Variants in TDRD3 observed in about 807,000 individuals in gnomAD.
The protein encoded by TDRD3 is tudor domain-containing protein 3.
In TDRD3, 45 loss-of-function variants were observed where a neutral mutation model predicts 86.7. The observed-to-expected ratio is 0.52, with a 90% CI of 0.41 to 0.67. The LOEUF (loss-of-function observed/expected upper bound fraction) is 0.67, where lower values mean the gene tolerates loss of function less well. Ranked by LOEUF, TDRD3 falls within the 30% of genes least tolerant of loss-of-function variation. TDRD3 has a pLI of 0.00. For synonymous variants in TDRD3, 298 were observed against 301.7 expected, an observed-to-expected ratio of 0.99 and a Z score of 0.13; for missense variants, 814 against 889.0, an observed-to-expected ratio of 0.92 and a Z score of 1.07.
At chr13:60,497,042 A>T (rs1304589369) in intron 8 of TDRD3, among the ~76,000 whole-genome samples, 1 of 152,206 alleles carries the variant, frequency 6.6e-6, no homozygotes, top group Non-Finnish European at 1.5e-5. Flanking sequence ...GGACTTAGCC[A>T]TACAGGAACA....
intron 5 of TDRD3, among the ~76,000 whole-genome samples, chr13:60,468,836 T>C (rs1011838786): frequency 1.3e-5 from 2 of 152,176 alleles, no homozygotes; most frequent in Non-Finnish European, 2.9e-5. Context: ...TAAAAAATAT[T>C]TGTGGAACAA....
intron 1 of TDRD3, among the ~76,000 whole-genome samples, chr13:60,397,838 A>G (rs1285215791): frequency 6.6e-6 from 1 of 151,984 alleles, no homozygotes; most frequent in Non-Finnish European, 1.5e-5. Flanking sequence ...AGAGGGACGA[A>G]CGCGGCCGGA....
intron 1 of TDRD3, among the ~76,000 whole-genome samples, chr13:60,408,826 C>G (rs1954293578): frequency 6.6e-6 from 1 of 152,130 alleles, no homozygotes; most frequent in Non-Finnish European, 1.5e-5. Context: ...GAAATTCAAG[C>G]CAGCTCCAGA....
intron 1 of TDRD3, among the ~76,000 whole-genome samples, chr13:60,410,343 T>C (rs1954332728): frequency 6.6e-6 from 1 of 152,176 alleles, no homozygotes; most frequent in Admixed American, 6.5e-5. Context: ...TAAGTTGTCA[T>C]AGAGTTCAAG....
intron 1 of TDRD3, among the ~76,000 whole-genome samples, chr13:60,409,187 C>T (rs1007403661): frequency 5.9e-5 from 9 of 152,236 alleles, no homozygotes; most frequent in African/African-American, 2.2e-4. Context: ...ACCTAGATTT[C>T]AGAGGATGTA....
At chr13:60,562,456 C>G (rs1430683035) in intron 12 of TDRD3, among the ~76,000 whole-genome samples, 1 of 152,006 alleles carries the variant, frequency 6.6e-6, no homozygotes, top group African/African-American at 2.4e-5. Context: ...TTATTAAAGT[C>G]CATTACATGT....
At chr13:60,562,398 A>T (rs1167896788) in intron 12 of TDRD3, among the ~76,000 whole-genome samples, 1 of 151,968 alleles carries the variant, frequency 6.6e-6, no homozygotes, top group Admixed American at 6.6e-5. Flanking sequence ...GAAGAATATT[A>T]GTATAGTTAA....
At chr13:60,451,356 G>C (rs1955536916) in intron 3 of TDRD3, among the ~76,000 whole-genome samples, 1 of 152,190 alleles carries the variant, frequency 6.6e-6, no homozygotes, top group African/African-American at 2.4e-5. Flanking sequence ...AGGAGTGCCA[G>C]AGTAAGTGTC....
chr13:60,573,617 C>G lies in TDRD3; in HGVS notation c.*11C>G. ...TTTCTTCATTTCTTTTTAAAGTAGA[C>G]TCTTTGTGAAGAAACGAGCCAGTGA... On this transcript the variant is annotated splice_region_variant and 3_prime_UTR_variant, in exon 14 of 14. Coordinates refer to ENST00000377881, the MANE Select transcript of TDRD3 (RefSeq NM_001146070.2). 2.0e-6 allele frequency: 2 copies of G among 985,336 alleles called. No homozygotes were observed. Among genetic ancestry groups the G allele is most frequent in the Non-Finnish European group, 1.2e-6 (1 of 829,900 alleles). 61.0% of individuals were successfully genotyped at this position (985,336 alleles called of 1,614,324 possible). A position where few individuals can be genotyped will look rare whatever the true frequency, so the allele number is the denominator to read the frequency against.
At position 60,413,430 on chromosome 13, in the gene TDRD3, A is replaced by G. The variant is rs558013370; in HGVS notation, c.41+16025A>G. ...GTCCTGGTTCTGCCACAGATTAGCT[A>G]TAACCTTGGGCACATTTCTTAACTG... On this transcript the variant is annotated intron_variant, in intron 1 of 13. Coordinates refer to ENST00000377881, the MANE Select transcript of TDRD3 (RefSeq NM_001146070.2). Among the ~76,000 whole-genome samples, 10 of 152,322 alleles carry G rather than the reference A, an allele frequency of 6.6e-5. No homozygotes were observed. In the South Asian group the frequency reaches 1.7e-3, roughly 25 times the overall value.
intron 5 of TDRD3, among the ~76,000 whole-genome samples, chr13:60,469,396 A>G (rs1956024885): frequency 6.6e-6 from 1 of 151,904 alleles, no homozygotes; most frequent in African/African-American, 2.4e-5. Flanking sequence ...ACAACTGTAA[A>G]CATTCCTAGT....
intron 12 of TDRD3, 41 bp downstream of exon 12, chr13:60,535,274 G>A (rs1957674889): frequency 1.3e-6 from 2 of 1,561,052 alleles, no homozygotes; most frequent in African/African-American, 2.8e-5. Flanking sequence ...AAACTATTTT[G>A]AAGAAAATAT....
chr13:60,515,053 T>G (rs1957140171), intron 10 of TDRD3, among the ~76,000 whole-genome samples: 1 of 152,184 alleles, frequency 6.6e-6, no homozygotes, highest in Admixed American at 6.5e-5. Flanking sequence ...GAAGAAGTCA[T>G]AAACTAAAGG....
Position 60,528,963 on chromosome 13 carries a change from A to T in TDRD3, c.1738A>T (p.Ser580Cys), listed in dbSNP as rs1190615677. 2.5e-6 allele frequency: 4 copies of T among 1,614,044 alleles called. No individual in the cohort carries two copies. The South Asian group carries it at 4.4e-5, about 18-fold the overall frequency. Residue 580 changes from serine (S) to cysteine (C), a missense_variant, in exon 11 of 14, where the codon AGT becomes TGT. Transcript: ENST00000377881. ...TACTGATTATCAGAATCCAGTTCGAAGTAATAGTTTCATTGGTGTTCCAAA... is the reference window on the plus strand; with the variant it reads ...TACTGATTATCAGAATCCAGTTCGATGTAATAGTTTCATTGGTGTTCCAAA... ...VNTDYQNPVR[S>C]NSFIGVPNGE...
chr13:60,424,114 CG>C (rs2137883657), intron 1 of TDRD3, among the ~76,000 whole-genome samples: 2 of 152,058 alleles, frequency 1.3e-5, no homozygotes, highest in African/African-American at 4.8e-5. Flanking sequence ...CTCCGCCTCC[CG>C]GGTTCACGCC....
chr13:60,477,092 T>C (rs1956201302), intron 5 of TDRD3, among the ~76,000 whole-genome samples: 1 of 152,006 alleles, frequency 6.6e-6, no homozygotes, highest in Non-Finnish European at 1.5e-5. Flanking sequence ...CTATGTTGAA[T>C]AGAAGTAGTG....
At chr13:60,496,535 C>T (rs929408487) in intron 8 of TDRD3, among the ~76,000 whole-genome samples, 1 of 151,488 alleles carries the variant, frequency 6.6e-6, no homozygotes, top group Admixed American at 6.6e-5. Flanking sequence ...ACTGATAGTC[C>T]TTCACATGAA....
intron 13 of TDRD3, among the ~76,000 whole-genome samples, chr13:60,570,739 TAGAG>T (rs1958568775): frequency 6.6e-6 from 1 of 152,178 alleles, no homozygotes; most frequent in Non-Finnish European, 1.5e-5. Context: ...GAGCTAGAAG[TAGAG>T]AGGAGGCAGT....
At chr13:60,439,848 G>T in intron 2 of TDRD3, 76 bp downstream of exon 2, 1 of 962,230 alleles carries the variant, frequency 1.0e-6, no homozygotes, top group Non-Finnish European at 1.5e-6. Context: ...GAGTAAATTG[G>T]GTTATATGAT....
Sources: gnomAD v4.1 joint callset for allele counts (sites outside exome capture counted in the v4.1 genomes callset) on GRCh38, gnomAD v4.1.1 for gene constraint, MANE v1.5 for transcripts, NCBI Gene and HGNC (gene_info 2026-07-23, HGNC 2026-07-21) for gene names.